RORA: variants seen among roughly 807,000 people sequenced by gnomAD.
RORA encodes RAR related orphan receptor A.
RORA carries 7 observed loss-of-function variants against 69.5 expected under a neutral mutation model. The observed-to-expected ratio is 0.10, with a 90% CI of 0.06 to 0.19. RORA has a LOEUF of 0.19. RORA is among the 10% of genes least tolerant of loss of function. The pLI is 1.00. For missense variants in RORA, 457 were observed against 663.0 expected (o/e 0.69, Z 3.41); for synonymous variants, 261 against 240.8 (o/e 1.08, Z -0.78).
At chr15:60,556,854 A>G (rs540067458) in intron 2 of RORA, 1 of 1,608,762 alleles carries the variant, frequency 6.2e-7, no homozygotes. Context: ...TCCCCTCACC[A>G]TTCATGTATC....
intron 1 of RORA, among the ~76,000 whole-genome samples, chr15:60,843,115 C>G (rs2073221280): frequency 6.6e-6 from 1 of 152,222 alleles, no homozygotes; most frequent in Admixed American, 6.5e-5. Flanking sequence ...GCCGCTCTCC[C>G]TCCCCCTGCT....
intron 1 of RORA, among the ~76,000 whole-genome samples, chr15:61,214,403 T>C (rs949913230): frequency 8.5e-5 from 13 of 152,222 alleles, no homozygotes; most frequent in Non-Finnish European, 2.9e-5. Flanking sequence ...ACGTTGTTGA[T>C]TTCAAAGACA....
chr15:60,566,679 G>A (rs1378544189), intron 2 of RORA, among the ~76,000 whole-genome samples: 7 of 152,274 alleles, frequency 4.6e-5, no homozygotes, highest in East Asian at 3.9e-4. Flanking sequence ...TTCTTTTAGG[G>A]AATTCGGGAA....
intron 1 of RORA, among the ~76,000 whole-genome samples, chr15:60,841,443 C>T (rs2073197048): frequency 6.6e-6 from 1 of 152,208 alleles, no homozygotes; most frequent in Admixed American, 6.5e-5. Context: ...TCTCTCTCTC[C>T]CTTTCTGTGG....
At chr15:60,897,602 C>A in intron 1 of RORA, among the ~76,000 whole-genome samples, 1 of 152,244 alleles carries the variant, frequency 6.6e-6, no homozygotes, top group South Asian at 2.1e-4. Context: ...TCCACATCCA[C>A]TGGATAGATG....
rs964253178 is a variant in RORA at position 60,597,310 on chromosome 15, A to G, written c.197-65459T>C. ...TGGCTTATGTTTTGTAATCACCACA[A>G]TAAGGAAAAGGGTAAAGTTCACAGG... On this transcript the variant is annotated intron_variant, in intron 2 of 10. Transcript: ENST00000335670. Among the ~76,000 whole-genome samples, 41 of 151,552 alleles carry G rather than the reference A, an allele frequency of 2.7e-4. 1 individual carries two copies. Among genetic ancestry groups the G allele is most frequent in the Admixed American group, 5.9e-4 (9 of 15,186 alleles).
chr15:60,912,358 G>C (rs1172748842), intron 1 of RORA, among the ~76,000 whole-genome samples: 2 of 152,194 alleles, frequency 1.3e-5, no homozygotes, highest in Non-Finnish European at 2.9e-5. Context: ...CGAGTTCAAG[G>C]CTACAGTGAG....
At chr15:61,004,532 G>A (rs1232298532) in intron 1 of RORA, among the ~76,000 whole-genome samples, 1 of 152,316 alleles carries the variant, frequency 6.6e-6, no homozygotes, top group East Asian at 1.9e-4. Context: ...ACCTGTCAGA[G>A]AAGCAGCAGC....
Position 60,986,287 on chromosome 15 carries a change from C to T in RORA, c.166+242766G>A, listed in dbSNP as rs576442928. ...TAGCTGGGACTACAGGTGCACACCA[C>T]CACACCCAGCTAATTTTTGTATGTT... On this transcript the variant is annotated intron_variant, in intron 1 of 10. Transcript: ENST00000335670. Among the ~76,000 whole-genome samples, 3 of 152,238 alleles carry T rather than the reference C, an allele frequency of 2.0e-5. No homozygotes were observed. The East Asian group carries it at 5.8e-4, about 29-fold the overall frequency.
intron 1 of RORA, among the ~76,000 whole-genome samples, chr15:61,020,084 G>C (rs16943511): frequency 0.026 from 4,001 of 152,290 alleles, 188 homozygotes; most frequent in African/African-American, 0.093. Context: ...TCCCTTTGTA[G>C]AGTATCAATG....
At chr15:60,552,354 C>A (rs1324099318) in intron 2 of RORA, among the ~76,000 whole-genome samples, 1 of 152,146 alleles carries the variant, frequency 6.6e-6, no homozygotes, top group Non-Finnish European at 1.5e-5. Context: ...CCCAAGGCAT[C>A]CCTCGCCCTC....
At chr15:60,729,937 T>G (rs1567171567) in intron 1 of RORA, among the ~76,000 whole-genome samples, 1 of 152,216 alleles carries the variant, frequency 6.6e-6, no homozygotes, top group Non-Finnish European at 1.5e-5. Context: ...CTTTTCTGGT[T>G]CCATTTCTGG....
intron 1 of RORA, among the ~76,000 whole-genome samples, chr15:60,922,601 C>T (rs963058185): frequency 1.1e-4 from 16 of 152,202 alleles, no homozygotes; most frequent in Admixed American, 2.0e-4. Flanking sequence ...AATCAAGATC[C>T]AAACAAGGTA....
chr15:61,047,321 T>C (rs1261387163), intron 1 of RORA, among the ~76,000 whole-genome samples: 1 of 152,260 alleles, frequency 6.6e-6, no homozygotes, highest in Non-Finnish European at 1.5e-5. Flanking sequence ...ACCAGGGGAC[T>C]GATTTGTGTT....
At chr15:61,039,970 A>G (rs1437371724) in intron 1 of RORA, among the ~76,000 whole-genome samples, 2 of 151,046 alleles carry the variant, frequency 1.3e-5, no homozygotes, top group Non-Finnish European at 3.0e-5. Context: ...TTGGTTAACT[A>G]ATGCTATTTG....
At chr15:60,711,638 C>G (rs946844598) in intron 1 of RORA, among the ~76,000 whole-genome samples, 4 of 152,130 alleles carry the variant, frequency 2.6e-5, no homozygotes, top group African/African-American at 9.7e-5. Context: ...TCAGAAGCAC[C>G]CCTAATGGTG....
intron 1 of RORA, among the ~76,000 whole-genome samples, chr15:61,065,415 A>G (rs1423472266): frequency 6.6e-6 from 1 of 152,182 alleles, no homozygotes; most frequent in East Asian, 1.9e-4. Context: ...ATAAATGCTC[A>G]TCCCACCCTT....
chr15:61,093,946 T>G (rs1370495592), intron 1 of RORA, among the ~76,000 whole-genome samples: 1 of 152,178 alleles, frequency 6.6e-6, no homozygotes, highest in Admixed American at 6.5e-5. Context: ...CAGGTGAGGA[T>G]TACAAACTTC....
chr15:60,752,209 A>G (rs1256260768), intron 1 of RORA, among the ~76,000 whole-genome samples: 1 of 152,132 alleles, frequency 6.6e-6, no homozygotes, highest in African/African-American at 2.4e-5. Flanking sequence ...AGTAATCACA[A>G]CCAAAATTTT....
Sources: allele counts gnomAD v4.1 joint callset (sites outside exome capture counted in the v4.1 genomes callset), GRCh38; gene constraint gnomAD v4.1.1; transcripts MANE v1.5; gene names NCBI Gene and HGNC (gene_info 2026-07-23, HGNC 2026-07-21).